Variants in RAPH1 observed in about 807,000 individuals in gnomAD.
RAPH1 encodes the protein Ras association (RalGDS/AF-6) and pleckstrin homology domains 1, also known as ras-associated and pleckstrin homology domains-containing protein 1.
Under a neutral mutation model 88.1 loss-of-function variants are expected in RAPH1, and 18 were observed. The ratio of observed to expected loss-of-function variants is 0.20; its 90% confidence interval spans 0.14 to 0.30. The LOEUF is 0.30. Among genes scored for constraint, RAPH1 ranks in the 10% least tolerant of loss-of-function variants. The probability of loss-of-function intolerance (pLI) is 1.00; values close to 1 mark genes in which losing one functional copy is unlikely to be tolerated. For missense variants in RAPH1, 1,448 were observed against 1,543.2 expected (o/e 0.94, Z 1.03); for synonymous variants, 587 against 559.0 (o/e 1.05, Z -0.71).
rs754124394 is a variant in RAPH1 at position 203,440,578 on chromosome 2, G to A, written c.2612C>T (p.Pro871Leu). Residue 871 changes from proline to leucine, a missense_variant, in exon 14 of 14, where the codon CCC becomes CTC. Physicochemically the swap from Pro to Leu is moderately conservative, Grantham distance 98. Around this residue, in one of 2 missense-constraint regions of RAPH1, gnomAD observed 935 missense variants for 890.1 expected, o/e 1.05. Transcript: ENST00000319170. ...VVKQIASQFPPPPTPPAMESQ... is the reference protein window; with the variant it reads ...VVKQIASQFPLPPTPPAMESQ... Reference sequence around the variant, plus strand: ...TTCCATGGCAGGGGGAGTTGGAGGGGGTGGAAACTGGCTGGCTATCTGCTT... The same window carrying A: ...TTCCATGGCAGGGGGAGTTGGAGGGAGTGGAAACTGGCTGGCTATCTGCTT... 3.2e-6 allele frequency: 5 copies of A among 1,554,198 alleles called. No homozygotes were observed. The Admixed American group carries it at 5.6e-5, about 17-fold the overall frequency.
chr2:203,487,637 G>A (rs575954889), intron 4 of RAPH1, among the ~76,000 whole-genome samples: 3 of 152,124 alleles, frequency 2.0e-5, no homozygotes, highest in African/African-American at 7.2e-5. Flanking sequence ...CGCCCGCCTC[G>A]GCCTCCCAAA....
At chr2:203,501,815 G>GAA (rs56269110) in intron 1 of RAPH1, among the ~76,000 whole-genome samples, 2,646 of 106,616 alleles carry the variant, frequency 0.025, 108 homozygotes, top group African/African-American at 0.088. Flanking sequence ...TAAGCATTAT[G>GAA]AAAAAAAAAA....
intron 1 of RAPH1, among the ~76,000 whole-genome samples, chr2:203,505,512 G>T (rs563882514): frequency 6.6e-6 from 1 of 152,196 alleles, no homozygotes; most frequent in South Asian, 2.1e-4. Context: ...TTTGGGTGGG[G>T]ACACAGCCAA....
At chr2:203,531,802 T>C (rs1209960151) in intron 1 of RAPH1, among the ~76,000 whole-genome samples, 4 of 152,164 alleles carry the variant, frequency 2.6e-5, no homozygotes. Context: ...GAATGTAAAA[T>C]GGTGCAGCTG....
chr2:203,516,149 C>T (rs1559500722), intron 1 of RAPH1, among the ~76,000 whole-genome samples: 1 of 152,070 alleles, frequency 6.6e-6, no homozygotes, highest in Non-Finnish European at 1.5e-5. Flanking sequence ...TTATAAGGTA[C>T]TCACATTACA....
Position 203,457,414 on chromosome 2 carries a change from G to A in RAPH1, c.1158+116C>T, listed in dbSNP as rs2098520573. The A allele has an allele frequency of 3.6e-6, 3 of 838,280 alleles. No homozygotes were observed. In the African/African-American group the frequency reaches 5.1e-5, roughly 14 times the overall value. 51.9% of individuals were successfully genotyped at this position (838,280 alleles called of 1,614,324 possible). Reference sequence around the variant, plus strand: ...TTGGGCAGGCTGGTCTTGAACTCCTGATCTTGTGATTCACTCACCTCAGCC... The same window carrying A: ...TTGGGCAGGCTGGTCTTGAACTCCTAATCTTGTGATTCACTCACCTCAGCC... On this transcript the variant is annotated intron_variant, in intron 8 of 13. Transcript: ENST00000319170.
intron 2 of RAPH1, among the ~76,000 whole-genome samples, chr2:203,492,246 A>AG (rs1006225014): frequency 2.6e-5 from 4 of 151,882 alleles, no homozygotes; most frequent in Admixed American, 1.3e-4. Flanking sequence ...AAAAAAAAAA[A>AG]AAAGAAACCG....
intron 1 of RAPH1, among the ~76,000 whole-genome samples, chr2:203,517,746 C>T (rs1210905195): frequency 6.6e-6 from 1 of 152,022 alleles, no homozygotes; most frequent in Non-Finnish European, 1.5e-5. Context: ...CATGAGATTA[C>T]ACAACAACCT....
intron 4 of RAPH1, among the ~76,000 whole-genome samples, chr2:203,484,260 G>A (rs1687865518): frequency 6.6e-6 from 1 of 152,116 alleles, no homozygotes; most frequent in African/African-American, 2.4e-5. Context: ...ACTTTCAACA[G>A]AAGGACTTCA....
rs142739254 is a variant in RAPH1 at position 203,500,494 on chromosome 2, T to A, written c.1-5141A>T. ...CTTTGGACTTTATCCTGTAGGGCAA[T>A]GTTATTCCAATTGTGGTTTGTTGAT... is the stretch of plus-strand genomic sequence containing the variant. On this transcript the variant is annotated intron_variant, in intron 1 of 13. Transcript: ENST00000319170. 3.3e-3 allele frequency among the ~76,000 whole-genome samples: 501 copies of A among 152,262 alleles called. 2 individuals carry two copies. Among genetic ancestry groups the A allele is most frequent in the Non-Finnish European group, 4.8e-3 (329 of 68,016 alleles).
At chr2:203,444,457 GA>G (rs982393031) in intron 13 of RAPH1, 4 of 157,110 alleles carry the variant, frequency 2.5e-5, no homozygotes, top group East Asian at 3.4e-4. Flanking sequence ...AAAGGAAGAA[GA>G]AAAAAAGACA....
At chr2:203,505,152 C>T (rs772635489) in intron 1 of RAPH1, among the ~76,000 whole-genome samples, 2 of 152,106 alleles carry the variant, frequency 1.3e-5, no homozygotes, top group Non-Finnish European at 2.9e-5. Context: ...TTTTCAGCAA[C>T]GCCACACTCT....
rs1229204490 is a variant in RAPH1 at position 203,437,211 on chromosome 2, A to G, written c.*2226T>C. On this transcript the variant is annotated 3_prime_UTR_variant, in exon 14 of 14. Transcript: ENST00000319170. The stretch of plus-strand genomic sequence containing the variant: ...AGGCTGTTGTTTTAGGGCTCAAATC[A>G]TGGGTGAAAAAAGGTTAGCGGGTAC... 2.0e-5 allele frequency: 3 copies of G among 152,184 alleles called. No individual in the cohort carries two copies. Among genetic ancestry groups the G allele is most frequent in the African/African-American group, 4.8e-5 (2 of 41,460 alleles). 9.4% of individuals were successfully genotyped at this position (152,184 alleles called of 1,614,324 possible).
At chr2:203,475,401 C>G (rs571989886) in intron 4 of RAPH1, among the ~76,000 whole-genome samples, 1 of 150,652 alleles carries the variant, frequency 6.6e-6, no homozygotes, top group Non-Finnish European at 1.5e-5. Context: ...AGCGAGACTC[C>G]GTCTCAAAAA....
chr2:203,513,351 CTTTTTTT>C (rs35194583), intron 1 of RAPH1, among the ~76,000 whole-genome samples: 8 of 86,912 alleles, frequency 9.2e-5, no homozygotes, highest in African/African-American at 3.9e-4. Context: ...TTCTCTCAAT[CTTTTTTT>C]TTTTTTTTTT....
intron 4 of RAPH1, among the ~76,000 whole-genome samples, chr2:203,489,054 A>T (rs1688121414): frequency 6.6e-6 from 1 of 151,544 alleles, no homozygotes; most frequent in Non-Finnish European, 1.5e-5. Flanking sequence ...TGAACCTGGG[A>T]GGTGGAGGTT....
intron 1 of RAPH1, among the ~76,000 whole-genome samples, chr2:203,506,826 A>ATATC (rs1553630494): frequency 4.1e-5 from 1 of 24,220 alleles, no homozygotes; most frequent in Non-Finnish European, 8.3e-5. Flanking sequence ...ATATCTATAT[A>ATATC]TATATCTATA....
At chr2:203,517,950 G>C (rs1445990749) in intron 1 of RAPH1, among the ~76,000 whole-genome samples, 1 of 152,044 alleles carries the variant, frequency 6.6e-6, no homozygotes, top group Non-Finnish European at 1.5e-5. Context: ...TTCTACCTTA[G>C]AAATCTAGAA....
chr2:203,463,944 G>A (rs760771043), intron 4 of RAPH1, among the ~76,000 whole-genome samples: 1 of 152,128 alleles, frequency 6.6e-6, no homozygotes, highest in Non-Finnish European at 1.5e-5. Context: ...ACTTATATGC[G>A]TTTTTGATGA....
Sources: allele counts gnomAD v4.1 joint callset (sites outside exome capture counted in the v4.1 genomes callset), GRCh38; gene constraint gnomAD v4.1.1; regional missense constraint gnomAD v4.1.1; transcripts MANE v1.5; gene names NCBI Gene and HGNC (gene_info 2026-07-23, HGNC 2026-07-21).